PGAP6: variants seen among roughly 807,000 people sequenced by gnomAD.
PGAP6 encodes post-GPI attachment to proteins factor 6.
In PGAP6, 62 loss-of-function variants were observed where a neutral mutation model predicts 68.4. The observed-to-expected ratio is 0.91, with a 90% CI of 0.74 to 1.12. PGAP6 has a LOEUF of 1.12. PGAP6 is among the 50% of genes most tolerant of loss of function. The pLI is 0.00. For synonymous variants in PGAP6, 575 were observed against 474.0 expected, an observed-to-expected ratio of 1.21 and a Z score of -2.77; for missense variants, 1,188 against 1,068.5, an observed-to-expected ratio of 1.11 and a Z score of -1.56.
chr16:379,563 G>A (rs916215426), intron 1 of PGAP6, among the ~76,000 whole-genome samples: 7 of 152,352 alleles, frequency 4.6e-5, no homozygotes, highest in Non-Finnish European at 1.0e-4. Context: ...GGAGAAAGCC[G>A]GCCTCTGCGG....
intron 9 of PGAP6, among the ~76,000 whole-genome samples, 167 bp from the exon 10 acceptor site, chr16:374,566 C>G (rs2054363996): frequency 6.6e-6 from 1 of 151,850 alleles, no homozygotes; most frequent in Non-Finnish European, 1.5e-5. Context: ...CCCGGGGATA[C>G]CTGGTGCCTG....
intron 7 of PGAP6, 33 bp from the exon 8 acceptor site, chr16:375,289 G>A: frequency 6.2e-7 from 1 of 1,612,630 alleles, no homozygotes; most frequent in Non-Finnish European, 8.5e-7. Flanking sequence ...CATCAGAGGA[G>A]GCCGGGGCGG....
At position 371,528 on chromosome 16, in the gene PGAP6, A is replaced by C. The variant is rs538753489; in HGVS notation, c.*459T>G. On this transcript the variant is annotated 3_prime_UTR_variant, in exon 13 of 13. Coordinates refer to ENST00000431232, the MANE Select transcript of PGAP6 (RefSeq NM_021259.3). Reference sequence around the variant, plus strand: ...CCAGGCAGGCTGGCATCAGGGCCACACAGGGGCCAGGAGCAGGGGTCTCGG... The same window carrying C: ...CCAGGCAGGCTGGCATCAGGGCCACCCAGGGGCCAGGAGCAGGGGTCTCGG... The C allele has an allele frequency of 5.7e-4, 100 of 174,300 alleles. 1 individual carries two copies. The highest frequency in any genetic ancestry group is 1.0e-3 in the Non-Finnish European group (81 of 81,294). The allele number at this position is 174,300 out of a possible 1,614,324, so 10.8% of individuals were successfully genotyped here. A position where few individuals can be genotyped will look rare whatever the true frequency, so the allele number is the denominator to read the frequency against.
chr16:380,372 CTT>C (rs35957500), intron 1 of PGAP6, among the ~76,000 whole-genome samples: 3 of 144,820 alleles, frequency 2.1e-5, no homozygotes, highest in Admixed American at 6.9e-5. Flanking sequence ...TTCTGTCTTT[CTT>C]TTTTTTTTTT....
At chr16:372,452 G>T in intron 12 of PGAP6, 159 bp downstream of exon 12, 1 of 965,492 alleles carries the variant, frequency 1.0e-6, no homozygotes, top group Non-Finnish European at 1.6e-6. Context: ...CCAGGCCTCA[G>T]GGACACAGCC....
rs757155407 is a variant in PGAP6, at chr16:375,297, C to CT, written c.1316-42_1316-41insA. 1.4e-5 allele frequency: 22 copies of CT among 1,612,394 alleles called. No individual in the cohort carries two copies. In the South Asian group the frequency reaches 2.4e-4, roughly 18 times the overall value. On this transcript the variant is annotated intron_variant, in intron 7 of 12. Coordinates refer to ENST00000431232, the MANE Select transcript of PGAP6 (RefSeq NM_021259.3). ...AGGGCCCCATCAGAGGAGGCCGGGG[C>CT]GGGGGGCTGGCCGGGGCCACGCTGA...
upstream of PGAP6, among the ~76,000 whole-genome samples, chr16:383,019 G>T (rs2054457180): frequency 6.6e-6 from 1 of 152,210 alleles, no homozygotes; most frequent in Non-Finnish European, 1.5e-5. Flanking sequence ...CGGAGGCTGA[G>T]GCCAGAGAAT....
upstream of PGAP6, among the ~76,000 whole-genome samples, chr16:383,763 G>A (rs2054463827): frequency 6.6e-6 from 1 of 152,264 alleles, no homozygotes; most frequent in Non-Finnish European, 1.5e-5. Context: ...GACCTTGGAG[G>A]AGGAGAGGCG....
chr16:381,669 C>A (rs990895743), intron 1 of PGAP6, 32 bp downstream of exon 1: 68 of 1,191,072 alleles, frequency 5.7e-5, no homozygotes, highest in Non-Finnish European at 2.2e-5. Context: ...CCCGGCCCCA[C>A]GCCCCCGATG....
chr16:373,963 C>T, intron 11 of PGAP6, 42 bp downstream of exon 11: 1 of 1,556,244 alleles, frequency 6.4e-7, no homozygotes, highest in Non-Finnish European at 8.7e-7. Flanking sequence ...CTTGGGGGCC[C>T]TGCTCCCCCG....
intron 9 of PGAP6, 38 bp downstream of exon 9, chr16:374,718 C>T: frequency 6.2e-7 from 1 of 1,608,618 alleles, no homozygotes; most frequent in Non-Finnish European, 8.5e-7. Flanking sequence ...AAGCCAACAG[C>T]AGCAGCGTCT....
rs1262832162 is a variant in PGAP6, at chr16:377,478, GTGGTGCT to G, written c.400_406del (p.Ser134HisfsTer33). 6.2e-7 allele frequency: 1 copy of G among 1,609,596 alleles called. No individual in the cohort carries two copies. The highest frequency in any genetic ancestry group is 8.5e-7 in the Non-Finnish European group (1 of 1,178,694). ...GTTGACGGAGGCATTGCTTCTCGGT[GTGGTGCT>G]CAGCGGCACCCCGACCTGGAAGGAG... On this transcript the variant is annotated frameshift_variant, in exon 3 of 13. Coordinates refer to ENST00000431232, the MANE Select transcript of PGAP6 (RefSeq NM_021259.3). LOFTEE classifies it high-confidence loss of function.
intron 11 of PGAP6, 37 bp downstream of exon 11, chr16:373,968 C>G: frequency 6.4e-7 from 1 of 1,565,420 alleles, no homozygotes; most frequent in Non-Finnish European, 8.6e-7. Flanking sequence ...GGGCCCTGCT[C>G]CCCCGGAGCC....
intron 4 of PGAP6, 27 bp downstream of exon 4, chr16:377,010 C>T (rs62030796): frequency 0.073 from 117,917 of 1,610,986 alleles, 6,406 homozygotes; most frequent in South Asian, 0.24. Flanking sequence ...AGGGCAGAGC[C>T]GGGCTGCCCC....
intron 1 of PGAP6, among the ~76,000 whole-genome samples, chr16:378,476 GCACT>G (rs2054411330): frequency 1.1e-5 from 1 of 89,176 alleles, no homozygotes; most frequent in Admixed American, 1.1e-4. Flanking sequence ...ATCGCCACCC[GCACT>G]GCCATCGCCA....
chr16:374,681 C>G (rs941582610), intron 9 of PGAP6, 75 bp downstream of exon 9: 1 of 1,579,992 alleles, frequency 6.3e-7, no homozygotes, highest in Non-Finnish European at 8.6e-7. Flanking sequence ...GGCGCTCCCC[C>G]AGGGGAAAGG....
At chr16:382,062 C>CGGGGGGAGGGGTCACGTGGGGCGCCGGTA (rs1375219782), upstream of PGAP6, 2 of 436,652 alleles carry the variant, frequency 4.6e-6, no homozygotes, top group East Asian at 5.1e-5. Flanking sequence ...GCGCGGACGC[C>CGGGGGGAGGGGTCACGTGGGGCGCCGGTA]GGGGGGAGGG....
chr16:385,461 G>T (rs1379038819), upstream of PGAP6, among the ~76,000 whole-genome samples: 2 of 148,004 alleles, frequency 1.4e-5, no homozygotes, highest in East Asian at 4.1e-4. Flanking sequence ...ACAGGCGCCC[G>T]CTACCATTCC....
At position 372,640 on chromosome 16, in the gene PGAP6, A is replaced by G; in HGVS notation, c.1990T>C (p.Phe664Leu). The G allele has an allele frequency of 1.2e-6, 2 of 1,612,330 alleles. No individual in the cohort carries two copies. The highest frequency in any genetic ancestry group is 1.7e-6 in the Non-Finnish European group (2 of 1,179,848). The change falls in exon 12 of 13, where the codon TTT becomes CTT. Residue 664 changes from phenylalanine to leucine, a missense_variant. Phe to Leu is a conservative substitution (Grantham distance 22). Coordinates refer to ENST00000431232, the MANE Select transcript of PGAP6 (RefSeq NM_021259.3). ...GMWNMLGPCLFAFVIMASMWA... is the reference protein window; with the variant it reads ...GMWNMLGPCLLAFVIMASMWA... ...ATGGAGGCCATGATCACGAAGGCAAAGAGGCAGGGCCCCAGCATGTTCCAC... is the reference window on the plus strand; with the variant it reads ...ATGGAGGCCATGATCACGAAGGCAAGGAGGCAGGGCCCCAGCATGTTCCAC...
Sources: allele counts gnomAD v4.1 joint callset (sites outside exome capture counted in the v4.1 genomes callset), GRCh38; gene constraint gnomAD v4.1.1; transcripts MANE v1.5; gene names NCBI Gene and HGNC (gene_info 2026-07-23, HGNC 2026-07-21).